SPATA7: variants seen among roughly 807,000 people sequenced by gnomAD.
The protein encoded by SPATA7 is spermatogenesis-associated protein 7.
SPATA7 carries 43 observed loss-of-function variants against 51.8 expected under a neutral mutation model. That is an observed-to-expected ratio of 0.83 (90% CI 0.65 to 1.07). SPATA7 has a LOEUF of 1.07. Ranked by LOEUF, SPATA7 falls within the 50% of genes least tolerant of loss-of-function variation. The pLI is 0.00. For missense variants in SPATA7, 683 were observed against 701.3 expected, an observed-to-expected ratio of 0.97 and a Z score of 0.30; for synonymous variants, 230 against 252.8, an observed-to-expected ratio of 0.91 and a Z score of 0.86.
chr14:88,394,798 T>G (rs2075838306), intron 3 of SPATA7, among the ~76,000 whole-genome samples: 1 of 152,190 alleles, frequency 6.6e-6, no homozygotes, highest in African/African-American at 2.4e-5. Flanking sequence ...CCCTTGGCGT[T>G]GACAGTCCTT....
Position 88,438,295 on chromosome 14 carries a change from G to T in SPATA7, c.1673G>T (p.Gly558Val). ...EKVEISNGLC[G>V]LNTSPSQSVQ... is the part of the protein sequence containing the mutation. ...GTTGAGATTTCAAATGGATTATGTG[G>T]TCTTAACACATCACCCTCCCAATCT... The change falls in exon 12 of 12, where the codon GGT (glycine) becomes GTT (valine). Residue 558 changes from glycine to valine, a missense_variant. Physicochemically the swap from Gly to Val is moderately radical, Grantham distance 109 (BLOSUM62 -3). Transcript: ENST00000393545. The T allele has an allele frequency of 6.2e-7, 1 of 1,613,968 alleles. No individual in the cohort carries two copies. Among genetic ancestry groups the T allele is most frequent in the Non-Finnish European group, 8.5e-7 (1 of 1,179,914 alleles).
chr14:88,447,313 C>CT (rs2077220643), intron 3 of SPATA7, among the ~76,000 whole-genome samples: 1 of 149,140 alleles, frequency 6.7e-6, no homozygotes, highest in Admixed American at 6.7e-5. Context: ...CAACCCCTGC[C>CT]TTTTTTTGTT....
chr14:88,454,582 C>A (rs781362258), intron 3 of SPATA7, among the ~76,000 whole-genome samples: 4 of 152,136 alleles, frequency 2.6e-5, no homozygotes, highest in Middle Eastern at 3.4e-3. Context: ...ATGGGAGGAT[C>A]GCTTGAGCTC....
intron 3 of SPATA7, among the ~76,000 whole-genome samples, chr14:88,451,496 A>G (rs1022957918): frequency 4.8e-5 from 7 of 145,238 alleles, no homozygotes; most frequent in Admixed American, 4.2e-4. Context: ...ATGCTATTTC[A>G]CTGGAGATTT....
At chr14:88,422,606 A>G (rs1032800724) in intron 5 of SPATA7, among the ~76,000 whole-genome samples, 11 of 148,278 alleles carry the variant, frequency 7.4e-5, no homozygotes, top group African/African-American at 2.7e-4. Flanking sequence ...AAGTAAAAAT[A>G]TATATTATTT....
chr14:88,385,855 G>A lies in SPATA7; in HGVS notation c.19+18G>A, dbSNP rs1445248178. ...CCGGAGAGGTAAAGGGCAGCTGTCA[G>A]GGGCTACCGCCGCCTCGCCCCTCGC... On this transcript the variant is annotated intron_variant, in intron 1 of 11. Transcript: ENST00000393545. The A allele has an allele frequency of 6.3e-7, 1 of 1,596,882 alleles. No individual in the cohort carries two copies.
At chr14:88,418,860 C>T (rs947651075) in intron 5 of SPATA7, among the ~76,000 whole-genome samples, 2 of 152,146 alleles carry the variant, frequency 1.3e-5, no homozygotes, top group Non-Finnish European at 2.9e-5. Context: ...TCCTTAGTAT[C>T]TGTTTGTTAC....
chr14:88,401,625 C>T (rs1406831347), intron 4 of SPATA7, among the ~76,000 whole-genome samples: 3 of 151,774 alleles, frequency 2.0e-5, no homozygotes, highest in Non-Finnish European at 4.4e-5. Flanking sequence ...CACTTGAGGC[C>T]AGGAGTGGCC....
At chr14:88,415,220 T>C (rs752929873) in intron 4 of SPATA7, 28 of 350,658 alleles carry the variant, frequency 8.0e-5, no homozygotes, top group African/African-American at 2.7e-4. Flanking sequence ...GAAGTACTTG[T>C]ATGAATCTGG....
At position 88,437,850 on chromosome 14, in the gene SPATA7, C is replaced by T. The variant is rs987375960; in HGVS notation, c.1228C>T (p.His410Tyr). Reference sequence around the variant, plus strand: ...TTCTTAATCCTAGGAAAAAATGCGCCACCTGCTGCATGTCCTGAAAGTAGA... The same window carrying T: ...TTCTTAATCCTAGGAAAAAATGCGCTACCTGCTGCATGTCCTGAAAGTAGA... The part of the protein sequence containing the change: ...NKHLEEEKMR[H>Y]LLHVLKVDLG... Residue 410 changes from histidine (H) to tyrosine (Y), a missense_variant, in exon 12 of 12, where the codon CAC becomes TAC. Transcript: ENST00000393545. The T allele has an allele frequency of 6.3e-7, 1 of 1,589,944 alleles. No individual in the cohort carries two copies. Among genetic ancestry groups the T allele is most frequent in the East Asian group, 2.2e-5 (1 of 44,680 alleles).
rs1343201853 is a variant in SPATA7 at position 88,426,225 on chromosome 14, T to C, written c.373-7T>C. The C allele has an allele frequency of 1.2e-6, 2 of 1,606,144 alleles. No individual in the cohort carries two copies. Among genetic ancestry groups the C allele is most frequent in the Non-Finnish European group, 1.7e-6 (2 of 1,173,272 alleles). On this transcript the variant is annotated splice_region_variant and splice_polypyrimidine_tract_variant and intron_variant, in intron 5 of 11. Coordinates refer to ENST00000393545, the MANE Select transcript of SPATA7 (RefSeq NM_018418.5). ...CAGTTGATGACTGTCATATCGAATG[T>C]TCTTAGCCCTCAGGCGAACCGCAAA...
Position 88,385,756 on chromosome 14 carries a change from C to G in SPATA7, c.-63C>G. On this transcript the variant is annotated 5_prime_UTR_variant, in exon 1 of 12. Coordinates refer to ENST00000393545, the MANE Select transcript of SPATA7 (RefSeq NM_018418.5). ...AGTCCTCCACTGCCGGGGCTGGGCC[C>G]GGCCGCGGGAAGGACCGAAGGGGAT... The G allele has an allele frequency of 6.5e-7, 1 of 1,531,710 alleles. No individual in the cohort carries two copies. Among genetic ancestry groups the G allele is most frequent in the South Asian group, 1.2e-5 (1 of 85,774 alleles). 94.9% of individuals were successfully genotyped at this position (1,531,710 alleles called of 1,614,324 possible). A position where few individuals can be genotyped will look rare whatever the true frequency, so the allele number is the denominator to read the frequency against.
chr14:88,460,478 C>T (rs879847052), intron 4 of SPATA7, among the ~76,000 whole-genome samples: 15 of 152,176 alleles, frequency 9.9e-5, no homozygotes, highest in Non-Finnish European at 1.9e-4. Context: ...ATCACTGATA[C>T]CCTTTCTTCC....
Position 88,446,417 on chromosome 14 carries a change from A to G in SPATA7, c.177+8514A>G, listed in dbSNP as rs569561215. Among the ~76,000 whole-genome samples the G allele has an allele frequency of 1.1e-3, 162 of 151,734 alleles. 3 individuals are homozygous for G. The East Asian group carries it at 0.023, about 22-fold the overall frequency. On this transcript the variant is annotated intron_variant, in intron 3 of 3. Transcript: ENST00000554802. ...TGCTAGCAGTCTATCAATTTTGTTG[A>G]TCCTTTCAAAAAACCAGCTCCTGGA...
intron 10 of SPATA7, among the ~76,000 whole-genome samples, chr14:88,433,862 A>G (rs370413968): frequency 1.1e-4 from 16 of 152,286 alleles, no homozygotes; most frequent in South Asian, 1.0e-3. Flanking sequence ...TATCCTCTAC[A>G]TCAAGTTTTT....
In SPATA7 at chr14:88,386,409, C is replaced by T. The variant is rs146931746; in HGVS notation, c.19+572C>T. Among the ~76,000 whole-genome samples, 433 of 152,292 alleles carry T rather than the reference C, an allele frequency of 2.8e-3. 3 individuals are homozygous for T. Among genetic ancestry groups the T allele is most frequent in the African/African-American group, 0.01 (416 of 41,570 alleles). On this transcript the variant is annotated intron_variant, in intron 1 of 11. Coordinates refer to ENST00000393545, the MANE Select transcript of SPATA7 (RefSeq NM_018418.5). The stretch of plus-strand genomic sequence containing the variant: ...GTAACTTTCTGTGAATAGGAATCCC[C>T]TCAGGGTCATGTTAAAATGCAGATT...
At chr14:88,457,206 G>A (rs140206189), downstream of SPATA7, among the ~76,000 whole-genome samples, 2,017 of 152,172 alleles carry the variant, frequency 0.013, 17 homozygotes, top group Non-Finnish European at 0.019. Context: ...TTGGCAATGC[G>A]GGCCCTTTTT....
intron 3 of SPATA7, among the ~76,000 whole-genome samples, chr14:88,450,403 G>A (rs981026306): frequency 1.2e-4 from 18 of 151,994 alleles, no homozygotes; most frequent in African/African-American, 3.9e-4. Flanking sequence ...TATAGGTCCT[G>A]TGAGATTTAT....
At chr14:88,390,539 G>A (rs991612657) in intron 1 of SPATA7, among the ~76,000 whole-genome samples, 1 of 152,180 alleles carries the variant, frequency 6.6e-6, no homozygotes, top group African/African-American at 2.4e-5. Context: ...TGTATCTCAT[G>A]TTGGGACTTG....
Sources: allele counts gnomAD v4.1 joint callset (sites outside exome capture counted in the v4.1 genomes callset), GRCh38; gene constraint gnomAD v4.1.1; transcripts MANE v1.5; gene names NCBI Gene and HGNC (gene_info 2026-07-23, HGNC 2026-07-21).